CAST: variants seen among roughly 807,000 people sequenced by gnomAD.
CAST encodes the protein calpastatin.
CAST carries 76 observed loss-of-function variants against 119.6 expected under a neutral mutation model. That is an observed-to-expected ratio of 0.64 (90% CI 0.53 to 0.77). The LOEUF is 0.77. CAST is among the 30% of genes least tolerant of loss of function. The pLI is 0.00. For synonymous variants in CAST, 319 were observed against 331.6 expected, an observed-to-expected ratio of 0.96 and a Z score of 0.41; for missense variants, 953 against 946.5, an observed-to-expected ratio of 1.01 and a Z score of -0.09.
chr5:96,565,021 G>A (rs771320636), intron 1 of CAST, among the ~76,000 whole-genome samples: 7 of 151,428 alleles, frequency 4.6e-5, no homozygotes, highest in Non-Finnish European at 1.0e-4. Flanking sequence ...TAAAATTCTA[G>A]GTAGATCAAA....
chr5:96,265,411 C>T, the CAST span, among the ~76,000 whole-genome samples: 63 of 152,082 alleles, frequency 4.1e-4, 1 homozygote, highest in African/African-American at 1.5e-3. Context: ...GTAAGTCATT[C>T]CAAGTCCAAA....
the CAST span, among the ~76,000 whole-genome samples, chr5:96,227,899 A>G: frequency 6.6e-6 from 1 of 152,104 alleles, no homozygotes; most frequent in African/African-American, 2.4e-5. Context: ...GTGTAAGGGC[A>G]AGTATGGTGG....
rs1760039097 is a variant in CAST, at chr5:96,729,642, A to G, written c.466A>G (p.Thr156Ala). 6.3e-7 allele frequency: 1 copy of G among 1,592,256 alleles called. No homozygotes were observed. The change falls in exon 8 of 32, where the codon ACA (threonine) becomes GCA (alanine). Residue 156 changes from threonine to alanine, a missense_variant. Transcript: ENST00000675179. ...AAGCCTACCCAAGCAGGCATCAGAT[A>G]CAGGAAGTAACGATGCTCACAATAA... ...PKSLPKQASD[T>A]GSNDAHNKKA...
chr5:95,991,240 A>G, the CAST span, among the ~76,000 whole-genome samples: 10 of 152,318 alleles, frequency 6.6e-5, no homozygotes, highest in South Asian at 1.0e-3. Context: ...CATCAATTCC[A>G]TATAGTCTAT....
At chr5:96,360,159 C>T in the CAST span, among the ~76,000 whole-genome samples, 7 of 151,896 alleles carry the variant, frequency 4.6e-5, no homozygotes, top group African/African-American at 1.7e-4. Context: ...TCACAGAGTT[C>T]TCATGCTATG....
chr5:96,600,165 G>A (rs1164609817), intron 1 of CAST, among the ~76,000 whole-genome samples: 1 of 152,112 alleles, frequency 6.6e-6, no homozygotes, highest in African/African-American at 2.4e-5. Context: ...ATGGGCATGG[G>A]GTAGAGTATA....
At chr5:96,292,407 T>C in the CAST span, among the ~76,000 whole-genome samples, 1 of 152,192 alleles carries the variant, frequency 6.6e-6, no homozygotes, top group Non-Finnish European at 1.5e-5. Context: ...GTAGACAAAT[T>C]AGTTCTCAAC....
the CAST span, chr5:96,398,914 C>T: frequency 6.2e-7 from 1 of 1,613,752 alleles, no homozygotes; most frequent in Non-Finnish European, 8.5e-7. Flanking sequence ...AAGGTCTCCT[C>T]TTCGGGAATA....
intron 1 of CAST, among the ~76,000 whole-genome samples, chr5:96,530,972 G>A (rs1745679321): frequency 6.6e-6 from 1 of 151,894 alleles, no homozygotes; most frequent in Non-Finnish European, 1.5e-5. Flanking sequence ...TTTGTATTTT[G>A]TATACAGATG....
At chr5:96,145,717 C>A in the CAST span, among the ~76,000 whole-genome samples, 1 of 152,180 alleles carries the variant, frequency 6.6e-6, no homozygotes, top group Non-Finnish European at 1.5e-5. Flanking sequence ...TGCTTTATAT[C>A]TTTCCTCTTC....
the CAST span, among the ~76,000 whole-genome samples, chr5:96,137,270 T>A: frequency 6.6e-6 from 1 of 152,178 alleles, no homozygotes; most frequent in East Asian, 1.9e-4. Flanking sequence ...ATAGAGTAAG[T>A]CTTCTCAGAC....
At chr5:96,703,025 A>C in intron 3 of CAST, 2 of 810,136 alleles carry the variant, frequency 2.5e-6, no homozygotes, top group Non-Finnish European at 3.0e-6. Context: ...CCTGCAGCGG[A>C]CTCCCCAGGC....
At chr5:96,362,102 C>T in the CAST span, among the ~76,000 whole-genome samples, 2,419 of 151,988 alleles carry the variant, frequency 0.016, 33 homozygotes, top group South Asian at 0.079. Context: ...TCTGTCCTTG[C>T]GATAGTTTGC....
the CAST span, among the ~76,000 whole-genome samples, chr5:96,041,374 C>T: frequency 6.6e-6 from 1 of 152,116 alleles, no homozygotes; most frequent in South Asian, 2.1e-4. Context: ...AAATACTTGA[C>T]CAGTACTCCT....
the CAST span, among the ~76,000 whole-genome samples, chr5:96,101,074 C>T: frequency 6.6e-6 from 1 of 152,028 alleles, no homozygotes; most frequent in Admixed American, 6.6e-5. Flanking sequence ...TCACACCTGG[C>T]TAATTTTTAA....
the CAST span, among the ~76,000 whole-genome samples, chr5:96,412,763 T>TTTGTTTTGTTTTTTTG: frequency 6.9e-5 from 10 of 144,506 alleles, no homozygotes; most frequent in African/African-American, 2.8e-4. Context: ...TTTTTTTTTT[T>TTTGTTTTGTTTTTTTG]TTTTTTTTTT....
Position 96,742,683 on chromosome 5 carries a change from C to A in CAST, c.1127C>A (p.Ala376Asp). Residue 376 changes from alanine to aspartate, a missense_variant, in exon 16 of 32, where the codon GCT (alanine) becomes GAT (aspartate). Transcript: ENST00000675179. ...KDTMSDQALE[A>D]LSASLGTRQA... ...ACAATGAGTGATCAAGCACTCGAGG[C>A]TCTGTCGGCTTCACTGGGCACCCGG... 6.2e-7 allele frequency: 1 copy of A among 1,613,798 alleles called. No individual in the cohort carries two copies. Among genetic ancestry groups the A allele is most frequent in the Non-Finnish European group, 8.5e-7 (1 of 1,179,726 alleles).
At chr5:96,433,959 C>T in the CAST span, 1 of 152,078 alleles carries the variant, frequency 6.6e-6, no homozygotes. Context: ...AATGATTAAT[C>T]ATGTGATTTT....
chr5:95,986,601 T>C, the CAST span, among the ~76,000 whole-genome samples: 1 of 152,212 alleles, frequency 6.6e-6, no homozygotes, highest in Non-Finnish European at 1.5e-5. Context: ...CTTCTCTTCT[T>C]ACTTAATCAC....
Sources: gnomAD v4.1 joint callset for allele counts (sites outside exome capture counted in the v4.1 genomes callset) on GRCh38, gnomAD v4.1.1 for gene constraint, MANE v1.5 for transcripts, NCBI Gene and HGNC (gene_info 2026-07-23, HGNC 2026-07-21) for gene names.